The following NUBPL variants were observed in gnomAD, a reference collection of about 807,000 sequenced individuals.
NUBPL encodes NUBP iron-sulfur cluster assembly factor, mitochondrial.
In NUBPL, 31 loss-of-function variants were observed where a neutral mutation model predicts 45.7. The observed-to-expected ratio is 0.68, with a 90% CI of 0.51 to 0.92. The LOEUF (loss-of-function observed/expected upper bound fraction) is 0.92. NUBPL is among the 40% of genes least tolerant of loss of function. The pLI is 0.00. For missense variants in NUBPL, 401 were observed against 398.7 expected (o/e 1.01, Z -0.05); for synonymous variants, 144 against 140.9 (o/e 1.02, Z -0.15).
chr14:31,712,091 G>A (rs538376521), intron 6 of NUBPL, among the ~76,000 whole-genome samples: 2 of 152,330 alleles, frequency 1.3e-5, no homozygotes, highest in Admixed American at 1.3e-4. Flanking sequence ...CGGGTTGCTG[G>A]CTGCTGGCTG....
In NUBPL at chr14:31,687,822, A is replaced by C. The variant is rs2036989986; in HGVS notation, c.513+14248A>C. 2.6e-5 allele frequency among the ~76,000 whole-genome samples: 4 copies of C among 152,242 alleles called. No individual in the cohort carries two copies. In the South Asian group the frequency reaches 8.3e-4, roughly 31 times the overall value. On this transcript the variant is annotated intron_variant, in intron 6 of 10. Coordinates refer to ENST00000281081, the MANE Select transcript of NUBPL (RefSeq NM_025152.3). The stretch of plus-strand genomic sequence containing the variant: ...AGAAGTAGAGGAAAATCACAACATT[A>C]CAAAAAAAAGTTGAATTGCTTGATA...
At chr14:31,676,455 G>A (rs541090285) in intron 6 of NUBPL, among the ~76,000 whole-genome samples, 1 of 147,558 alleles carries the variant, frequency 6.8e-6, no homozygotes, top group Admixed American at 6.8e-5. Flanking sequence ...ATAATAAAAT[G>A]TTTTTTTTTT....
At chr14:31,780,966 A>G (rs2039182112) in intron 6 of NUBPL, among the ~76,000 whole-genome samples, 1 of 152,202 alleles carries the variant, frequency 6.6e-6, no homozygotes, top group Non-Finnish European at 1.5e-5. Context: ...TTCCCATATT[A>G]TTTACCAAAT....
rs75639371 is a variant in NUBPL, at chr14:31,657,648, T to A, written c.383-15707T>A. Among the ~76,000 whole-genome samples the A allele has an allele frequency of 3.4e-3, 522 of 152,332 alleles. 1 individual carries two copies. Among genetic ancestry groups the A allele is most frequent in the Non-Finnish European group, 6.5e-3 (439 of 68,024 alleles). ...CATAATATACACATGAACAGGCATTTTGGTCACTATAACAAGTGTAATTTT... is the reference window on the plus strand; with the variant it reads ...CATAATATACACATGAACAGGCATTATGGTCACTATAACAAGTGTAATTTT... On this transcript the variant is annotated intron_variant, in intron 4 of 10. Transcript: ENST00000281081.
intron 4 of NUBPL, among the ~76,000 whole-genome samples, chr14:31,642,329 A>G (rs1054508684): frequency 5.3e-5 from 8 of 152,148 alleles, no homozygotes; most frequent in African/African-American, 1.7e-4. Flanking sequence ...TTGCACTTAA[A>G]TATTTAATCC....
At chr14:31,626,959 C>T (rs1237819150) in intron 4 of NUBPL, among the ~76,000 whole-genome samples, 1 of 152,130 alleles carries the variant, frequency 6.6e-6, no homozygotes, top group Non-Finnish European at 1.5e-5. Flanking sequence ...GAATCATCTA[C>T]ACTGCTTGTT....
At chr14:31,670,985 A>G (rs1371352082) in intron 4 of NUBPL, among the ~76,000 whole-genome samples, 1 of 152,194 alleles carries the variant, frequency 6.6e-6, no homozygotes, top group South Asian at 2.1e-4. Flanking sequence ...GAATTTTAAA[A>G]TAGTTTTTTC....
Position 31,721,035 on chromosome 14 carries a change from C to T in NUBPL, c.513+47461C>T, listed in dbSNP as rs114848874. Among the ~76,000 whole-genome samples, 313 of 152,190 alleles carry T rather than the reference C, an allele frequency of 2.1e-3. 1 individual carries two copies. The highest frequency in any genetic ancestry group is 7.0e-3 in the African/African-American group (289 of 41,518). On this transcript the variant is annotated intron_variant, in intron 6 of 10. Transcript: ENST00000281081. ...TGGCATGTAGTTCTATTTCAAGATG[C>T]GTTTGTTGGCTGATGAACAAATAAG...
chr14:31,841,083 A>C (rs900083732), intron 8 of NUBPL, among the ~76,000 whole-genome samples: 2 of 152,126 alleles, frequency 1.3e-5, no homozygotes, highest in African/African-American at 4.8e-5. Flanking sequence ...CAGTTTGTCC[A>C]TTTTATTGTT....
chr14:31,653,995 A>G (rs976064073), intron 4 of NUBPL: 6 of 414,794 alleles, frequency 1.4e-5, no homozygotes, highest in Non-Finnish European at 2.5e-5. Flanking sequence ...TTTGTATTTC[A>G]TGGGGGAAGA....
intron 4 of NUBPL, among the ~76,000 whole-genome samples, chr14:31,640,543 A>G (rs968917594): frequency 6.8e-6 from 1 of 147,456 alleles, no homozygotes; most frequent in Non-Finnish European, 1.5e-5. Context: ...TGAACCTGGG[A>G]GGTGGAGGTT....
intron 7 of NUBPL, among the ~76,000 whole-genome samples, chr14:31,790,350 T>G (rs2039356964): frequency 6.6e-6 from 1 of 152,246 alleles, no homozygotes; most frequent in Admixed American, 6.5e-5. Flanking sequence ...GTATATTTCC[T>G]TTTTCCTTTC....
chr14:31,609,647 TCTTAAGGATATACCACATGTTA>T (rs781527854), intron 4 of NUBPL, among the ~76,000 whole-genome samples: 44 of 152,330 alleles, frequency 2.9e-4, no homozygotes, highest in Admixed American at 5.2e-4. Context: ...CATGGATCAT[TCTTAAGGATATACCACATGTTA>T]GGTCACAAAA....
intron 8 of NUBPL, among the ~76,000 whole-genome samples, chr14:31,831,474 A>ATACCATACCG (rs966007443): frequency 3.4e-5 from 5 of 149,048 alleles, no homozygotes; most frequent in Admixed American, 2.0e-4. Flanking sequence ...GTACTATACC[A>ATACCATACCG]TACCATACCA....
At chr14:31,687,636 A>T (rs1186472794) in intron 6 of NUBPL, among the ~76,000 whole-genome samples, 2 of 152,210 alleles carry the variant, frequency 1.3e-5, no homozygotes, top group Admixed American at 1.3e-4. Context: ...TGTGCTAATG[A>T]TCTCTGCGTG....
At chr14:31,815,188 AT>A (rs2039891214) in intron 7 of NUBPL, among the ~76,000 whole-genome samples, 3 of 151,498 alleles carry the variant, frequency 2.0e-5, no homozygotes, top group Non-Finnish European at 4.4e-5. Flanking sequence ...TTTTTTTTCC[AT>A]TTTTTTGTGT....
At chr14:31,627,519 C>T (rs932054392) in intron 4 of NUBPL, among the ~76,000 whole-genome samples, 2 of 152,026 alleles carry the variant, frequency 1.3e-5, no homozygotes, top group African/African-American at 4.8e-5. Flanking sequence ...TGGCTCACGC[C>T]TGTAATCCCA....
chr14:31,683,698 T>C (rs2036890400), intron 6 of NUBPL, among the ~76,000 whole-genome samples: 2 of 152,190 alleles, frequency 1.3e-5, no homozygotes, highest in Admixed American at 6.5e-5. Flanking sequence ...ATTTCAGTAC[T>C]TTTCAATTTT....
At chr14:31,626,258 A>G (rs989353763) in intron 4 of NUBPL, among the ~76,000 whole-genome samples, 17 of 151,958 alleles carry the variant, frequency 1.1e-4, no homozygotes, top group Non-Finnish European at 2.1e-4. Context: ...CCTGGGTTCA[A>G]GCGATCCCCC....
Sources: gnomAD v4.1 joint callset for allele counts (sites outside exome capture counted in the v4.1 genomes callset) on GRCh38, gnomAD v4.1.1 for gene constraint, MANE v1.5 for transcripts, NCBI Gene and HGNC (gene_info 2026-07-23, HGNC 2026-07-21) for gene names.